Variants in ZFYVE9 observed in about 807,000 individuals in gnomAD.
The protein encoded by ZFYVE9 is zinc finger FYVE-type containing 9, also known as zinc finger FYVE domain-containing protein 9.
Under a neutral mutation model 126.7 loss-of-function variants are expected in ZFYVE9, and 43 were observed. The ratio of observed to expected loss-of-function variants is 0.34; its 90% CI spans 0.27 to 0.44. ZFYVE9 has a LOEUF of 0.44. Among genes scored for constraint, ZFYVE9 ranks in the 20% least tolerant of loss-of-function variants. The probability of loss-of-function intolerance (pLI) is 1.00; values close to 1 mark genes in which losing one functional copy is unlikely to be tolerated. For synonymous variants in ZFYVE9, 521 were observed against 597.4 expected, an observed-to-expected ratio of 0.87 and a Z score of 1.87; for missense variants, 1,476 against 1,697.0, an observed-to-expected ratio of 0.87 and a Z score of 2.29.
chr1:52,247,998 A>C (rs1645407878), intron 4 of ZFYVE9, among the ~76,000 whole-genome samples: 1 of 152,126 alleles, frequency 6.6e-6, no homozygotes, highest in Non-Finnish European at 1.5e-5. Context: ...AACCAATAGG[A>C]TGTGGAGATA....
chr1:52,326,257 A>G (rs1646291031), intron 13 of ZFYVE9, among the ~76,000 whole-genome samples: 1 of 152,164 alleles, frequency 6.6e-6, no homozygotes, highest in African/African-American at 2.4e-5. Flanking sequence ...GAGGTATAGG[A>G]GCTACCTGGT....
At chr1:52,178,973 TTTTTTG>T (rs1370932978) in intron 1 of ZFYVE9, among the ~76,000 whole-genome samples, 2 of 152,004 alleles carry the variant, frequency 1.3e-5, no homozygotes, top group Non-Finnish European at 2.9e-5. Context: ...CCTGGCTAAT[TTTTTTG>T]TTTTTGTAGA....
intron 3 of ZFYVE9, among the ~76,000 whole-genome samples, chr1:52,235,491 T>TC (rs1305230962): frequency 6.6e-6 from 1 of 152,160 alleles, no homozygotes; most frequent in Non-Finnish European, 1.5e-5. Flanking sequence ...TGCTTTTTTT[T>TC]CTTTTAAGGA....
intron 1 of ZFYVE9, among the ~76,000 whole-genome samples, chr1:52,212,053 T>A (rs1266726762): frequency 6.6e-6 from 1 of 152,238 alleles, no homozygotes; most frequent in Non-Finnish European, 1.5e-5. Context: ...AGTCTTCTGT[T>A]ATACATCCCA....
intron 1 of ZFYVE9, among the ~76,000 whole-genome samples, chr1:52,201,206 TA>T (rs1215863964): frequency 6.6e-6 from 1 of 152,152 alleles, no homozygotes; most frequent in Non-Finnish European, 1.5e-5. Context: ...TATTGTGTTA[TA>T]TTTATATAGA....
At chr1:52,184,224 T>G (rs1057045579) in intron 1 of ZFYVE9, among the ~76,000 whole-genome samples, 7 of 145,054 alleles carry the variant, frequency 4.8e-5, no homozygotes, top group Admixed American at 7.0e-5. Context: ...TATATATAGA[T>G]ATATATATAT....
At chr1:52,184,858 CAAAAA>C (rs1644749911) in intron 1 of ZFYVE9, among the ~76,000 whole-genome samples, 1 of 151,872 alleles carries the variant, frequency 6.6e-6, no homozygotes, top group African/African-American at 2.4e-5. Context: ...GACCCCATCT[CAAAAA>C]CAAAACAAAG....
chr1:52,270,515 T>C (rs1012973860), intron 7 of ZFYVE9, among the ~76,000 whole-genome samples: 21 of 152,128 alleles, frequency 1.4e-4, no homozygotes, highest in Non-Finnish European at 2.9e-4. Context: ...CTGCCCTCCT[T>C]GGCCTCCCAA....
chr1:52,193,797 C>T (rs545020593), intron 1 of ZFYVE9, among the ~76,000 whole-genome samples: 2 of 151,346 alleles, frequency 1.3e-5, no homozygotes, highest in East Asian at 1.9e-4. Context: ...CAAACACACA[C>T]GCACGCGCGC....
intron 13 of ZFYVE9, among the ~76,000 whole-genome samples, chr1:52,318,366 TTGTATGTG>T (rs772092198): frequency 9.0e-4 from 76 of 84,004 alleles, no homozygotes; most frequent in East Asian, 6.5e-3. Flanking sequence ...GAGAGCATGA[TTGTATGTG>T]TGTGTGTGTG....
At chr1:52,344,084 A>AG (rs1226761730) in intron 17 of ZFYVE9, among the ~76,000 whole-genome samples, 2 of 152,280 alleles carry the variant, frequency 1.3e-5, no homozygotes, top group South Asian at 2.1e-4. Context: ...AAAAAAAAAA[A>AG]AAAAGTCCTT....
intron 17 of ZFYVE9, 121 bp from the exon 18 acceptor site, chr1:52,344,647 C>G: frequency 9.5e-7 from 1 of 1,052,490 alleles, no homozygotes; most frequent in Non-Finnish European, 1.4e-6. Context: ...TTTATGGTGT[C>G]CTGTTCCTGT....
intron 13 of ZFYVE9, among the ~76,000 whole-genome samples, chr1:52,327,404 C>G (rs1017441463): frequency 1.3e-5 from 2 of 151,266 alleles, no homozygotes; most frequent in East Asian, 3.9e-4. Context: ...GAGTTCGAAA[C>G]CAGCTTGGCC....
At chr1:52,311,142 C>T (rs1646133364) in intron 13 of ZFYVE9, among the ~76,000 whole-genome samples, 1 of 151,968 alleles carries the variant, frequency 6.6e-6, no homozygotes, top group Non-Finnish European at 1.5e-5. Context: ...GCTGAGATTA[C>T]AAGCATGAGC....
chr1:52,346,040 C>A lies in ZFYVE9; in HGVS notation c.4117-20C>A. The A allele has an allele frequency of 6.4e-7, 1 of 1,564,056 alleles. No homozygotes were observed. On this transcript the variant is annotated intron_variant, in intron 18 of 18. Transcript: ENST00000287727. ...CTTCTCTGTTCAGTAACCTCTCCTC[C>A]TTTTCTCTCTGTGGTATAGGTTGGC...
intron 2 of ZFYVE9, among the ~76,000 whole-genome samples, chr1:52,226,112 G>C (rs1175446363): frequency 7.2e-5 from 11 of 152,120 alleles, no homozygotes; most frequent in Non-Finnish European, 1.3e-4. Flanking sequence ...GGGAAGGCTG[G>C]TTGCCCCACC....
chr1:52,218,702 A>G (rs1359141271), intron 2 of ZFYVE9, among the ~76,000 whole-genome samples: 2 of 152,198 alleles, frequency 1.3e-5, no homozygotes, highest in East Asian at 1.9e-4. Context: ...ACTGGTTTCT[A>G]TGGCTAGGGT....
At chr1:52,338,304 C>T (rs1175064479) in intron 16 of ZFYVE9, among the ~76,000 whole-genome samples, 1 of 152,094 alleles carries the variant, frequency 6.6e-6, no homozygotes, top group Non-Finnish European at 1.5e-5. Flanking sequence ...AAACAAGTAC[C>T]AAAAGGCTAA....
chr1:52,203,028 A>G (rs920447381), intron 1 of ZFYVE9, among the ~76,000 whole-genome samples: 8 of 152,036 alleles, frequency 5.3e-5, no homozygotes, highest in South Asian at 4.1e-4. Flanking sequence ...TTGAAGGACA[A>G]TTTTATAGGG....
Sources: allele counts gnomAD v4.1 joint callset (sites outside exome capture counted in the v4.1 genomes callset), GRCh38; gene constraint gnomAD v4.1.1; transcripts MANE v1.5; gene names NCBI Gene and HGNC (gene_info 2026-07-23, HGNC 2026-07-21).